TJP1: variants seen among roughly 807,000 people sequenced by gnomAD.
TJP1 encodes tight junction protein ZO-1.
TJP1 carries 43 observed loss-of-function variants against 194.2 expected under a neutral mutation model. The observed-to-expected ratio is 0.22, with a 90% CI of 0.17 to 0.29. The LOEUF is 0.29. TJP1 is among the 10% of genes least tolerant of loss of function. The pLI, the probability that TJP1 is intolerant of heterozygous loss-of-function variation, is 1.00. For synonymous variants in TJP1, 801 were observed against 779.0 expected (o/e 1.03, Z -0.47); for missense variants, 1,971 against 2,185.7 (o/e 0.90, Z 1.96).
chr15:29,873,516 A>G (rs913103547), intron 2 of TJP1, among the ~76,000 whole-genome samples: 1 of 152,236 alleles, frequency 6.6e-6, no homozygotes, highest in Non-Finnish European at 1.5e-5. Flanking sequence ...GTGATGAGTC[A>G]GTTTCTTTTT....
chr15:29,936,034 A>G (rs753001642), intron 2 of TJP1, among the ~76,000 whole-genome samples: 3 of 151,926 alleles, frequency 2.0e-5, no homozygotes, highest in Non-Finnish European at 2.9e-5. Context: ...CCTCTTCCTC[A>G]ACTGGCAATC....
intron 2 of TJP1, among the ~76,000 whole-genome samples, chr15:29,896,796 C>T (rs942343638): frequency 2.6e-5 from 4 of 152,142 alleles, no homozygotes; most frequent in African/African-American, 9.7e-5. Flanking sequence ...GCCTTTTGCT[C>T]CTGCCCTAGA....
chr15:29,719,671 GC>G, intron 20 of TJP1, 105 bp downstream of exon 20: 1 of 1,405,494 alleles, frequency 7.1e-7, no homozygotes, highest in Non-Finnish European at 9.7e-7. Context: ...CAGTGTATAA[GC>G]CTGCAGTAAA....
chr15:29,879,137 T>A (rs1010392945), intron 2 of TJP1, among the ~76,000 whole-genome samples: 2 of 151,750 alleles, frequency 1.3e-5, no homozygotes, highest in Non-Finnish European at 2.9e-5. Context: ...AAAATAATAA[T>A]AAAAAAATAA....
chr15:29,762,714 A>C (rs145779363), intron 5 of TJP1, among the ~76,000 whole-genome samples: 83 of 152,264 alleles, frequency 5.5e-4, no homozygotes, highest in Middle Eastern at 6.8e-3. Context: ...CCAAGAGGAC[A>C]CCATTTCTTT....
At chr15:29,881,452 G>T (rs2052925452) in intron 2 of TJP1, among the ~76,000 whole-genome samples, 1 of 152,158 alleles carries the variant, frequency 6.6e-6, no homozygotes, top group Non-Finnish European at 1.5e-5. Flanking sequence ...TTGGAGACAG[G>T]CAGTCCATTG....
intron 2 of TJP1, among the ~76,000 whole-genome samples, chr15:29,837,893 C>T (rs1037650589): frequency 7.9e-5 from 12 of 152,132 alleles, no homozygotes; most frequent in Non-Finnish European, 1.6e-4. Flanking sequence ...GGTATCAATC[C>T]AATGTGATGA....
intron 10 of TJP1, among the ~76,000 whole-genome samples, chr15:29,738,963 G>A (rs895209269): frequency 1.3e-5 from 2 of 150,702 alleles, no homozygotes; most frequent in African/African-American, 2.4e-5. Context: ...AGGATTCCTC[G>A]AGCCTAGGAG....
intron 2 of TJP1, among the ~76,000 whole-genome samples, chr15:29,869,795 CTTTTTTTTTT>C (rs11318770): frequency 1.1e-4 from 6 of 56,060 alleles, no homozygotes; most frequent in South Asian, 1.0e-3. Flanking sequence ...TTCTTTCTTT[CTTTTTTTTTT>C]TTTTTTTTTT....
chr15:29,783,074 G>C (rs1303825433), intron 2 of TJP1, among the ~76,000 whole-genome samples: 1 of 152,064 alleles, frequency 6.6e-6, no homozygotes, highest in African/African-American at 2.4e-5. Context: ...AGAAGTTCGA[G>C]GCCAGCCTGA....
Position 29,719,733 on chromosome 15 carries a change from T to C in TJP1, c.3003+44A>G, listed in dbSNP as rs147021538. 9.1e-5 allele frequency: 144 copies of C among 1,582,556 alleles called. No individual in the cohort carries two copies. The East Asian group carries it at 1.0e-3, about 11-fold the overall frequency. ...AAAGCAAAAATGATCATGTGCCAGA[T>C]TGATGGACAGCAACAAATTAGTGCA... On this transcript the variant is annotated intron_variant, in intron 20 of 27. Transcript: ENST00000614355.
intron 2 of TJP1, among the ~76,000 whole-genome samples, chr15:29,786,845 G>A (rs1243056228): frequency 6.6e-6 from 1 of 152,182 alleles, no homozygotes; most frequent in Non-Finnish European, 1.5e-5. Context: ...AATGGAAAGA[G>A]CACTGTATGC....
chr15:29,806,704 A>C (rs1218401219), intron 1 of TJP1, among the ~76,000 whole-genome samples: 4 of 152,214 alleles, frequency 2.6e-5, no homozygotes, highest in African/African-American at 9.7e-5. Flanking sequence ...GTTTCAGTGA[A>C]TAAAACAGAT....
chr15:29,883,305 C>G (rs1208617857), intron 2 of TJP1, among the ~76,000 whole-genome samples: 1 of 152,166 alleles, frequency 6.6e-6, no homozygotes, highest in African/African-American at 2.4e-5. Context: ...GCAAGTGAGG[C>G]TCTCAGGGAG....
chr15:29,851,511 A>T (rs2051640755), intron 2 of TJP1, among the ~76,000 whole-genome samples: 2 of 152,228 alleles, frequency 1.3e-5, no homozygotes, highest in South Asian at 4.1e-4. Flanking sequence ...CCAGGGCCAG[A>T]TGGTTTCACT....
At chr15:29,897,260 C>T (rs949561721) in intron 2 of TJP1, among the ~76,000 whole-genome samples, 4 of 152,172 alleles carry the variant, frequency 2.6e-5, no homozygotes, top group Admixed American at 6.5e-5. Flanking sequence ...CGGTTCAGGC[C>T]GTGGCTTCAG....
chr15:29,783,612 G>C (rs2047512323), intron 2 of TJP1, among the ~76,000 whole-genome samples: 1 of 152,226 alleles, frequency 6.6e-6, no homozygotes, highest in Non-Finnish European at 1.5e-5. Context: ...AGTAAATGTA[G>C]TATAACTATG....
chr15:29,836,773 A>G (rs528938780), intron 2 of TJP1, among the ~76,000 whole-genome samples: 1 of 152,290 alleles, frequency 6.6e-6, no homozygotes, highest in South Asian at 2.1e-4. Flanking sequence ...TACTGACCTG[A>G]TAAAAGGGCT....
At chr15:29,949,640 T>A (rs1408446294) in intron 2 of TJP1, among the ~76,000 whole-genome samples, 110 of 36,510 alleles carry the variant, frequency 3.0e-3, no homozygotes, top group Middle Eastern at 0.025. Context: ...CTCCACCACC[T>A]CCACCACCAC....
Sources: allele counts gnomAD v4.1 joint callset (sites outside exome capture counted in the v4.1 genomes callset), GRCh38; gene constraint gnomAD v4.1.1; transcripts MANE v1.5; gene names NCBI Gene and HGNC (gene_info 2026-07-23, HGNC 2026-07-21).